The following PAPSS2 variants were observed in gnomAD, a reference collection of about 807,000 sequenced individuals.
PAPSS2 encodes bifunctional 3'-phosphoadenosine 5'-phosphosulfate synthase 2.
A neutral mutation model predicts 66.5 loss-of-function variants in PAPSS2; 61 were observed. The observed-to-expected ratio is 0.92, with a 90% CI of 0.75 to 1.14. The LOEUF (loss-of-function observed/expected upper bound fraction) is 1.14, where lower values mean the gene tolerates loss of function less well. Among genes scored for constraint, PAPSS2 ranks in the 50% most tolerant of loss-of-function variants. The probability of loss-of-function intolerance (pLI) is 0.00; values close to 1 mark genes in which losing one functional copy is unlikely to be tolerated. For missense variants in PAPSS2, 708 were observed against 789.6 expected (o/e 0.90, Z 1.24); for synonymous variants, 289 against 287.5 (o/e 1.01, Z -0.05).
chr10:87,690,462 G>A (rs551159275), intron 1 of PAPSS2, among the ~76,000 whole-genome samples: 1 of 152,188 alleles, frequency 6.6e-6, no homozygotes, highest in Admixed American at 6.5e-5. Flanking sequence ...AGAGATGGGG[G>A]CGGAGGCAGA....
At chr10:87,711,830 G>T (rs1853465406) in intron 2 of PAPSS2, among the ~76,000 whole-genome samples, 1 of 151,164 alleles carries the variant, frequency 6.6e-6, no homozygotes, top group South Asian at 2.1e-4. Context: ...TGTCTTCTCT[G>T]TATGAACCTC....
In PAPSS2 at chr10:87,673,947, C is replaced by G. The variant is rs1002516080; in HGVS notation, c.27+13939C>G. The stretch of plus-strand genomic sequence containing the variant: ...CCTTTACCATTCTACCTCAGAGAGC[C>G]CTTTTCCTTCTGCATGTTATCTTGG... On this transcript the variant is annotated intron_variant, in intron 1 of 12. Transcript: ENST00000456849. 4.6e-5 allele frequency among the ~76,000 whole-genome samples: 7 copies of G among 151,922 alleles called. No homozygotes were observed. In the South Asian group the frequency reaches 8.3e-4, roughly 18 times the overall value.
Position 87,741,566 on chromosome 10 carries a change from T to C in PAPSS2, c.1222+196T>C, listed in dbSNP as rs547328121. On this transcript the variant is annotated intron_variant, in intron 10 of 12. Coordinates refer to ENST00000456849, the MANE Select transcript of PAPSS2 (RefSeq NM_001015880.2). ...CCCACCACTACGCCCAGCTAATTTT[T>C]GTATTTTTAGTAGAGACAGGGTTTC... Among the ~76,000 whole-genome samples, 7 of 152,160 alleles carry C rather than the reference T, an allele frequency of 4.6e-5. No homozygotes were observed. The South Asian group carries it at 1.4e-3, about 32-fold the overall frequency.
chr10:87,711,359 A>G (rs540718970), intron 2 of PAPSS2, among the ~76,000 whole-genome samples: 1 of 152,242 alleles, frequency 6.6e-6, no homozygotes, highest in Non-Finnish European at 1.5e-5. Context: ...TCAATGTATG[A>G]AAGTACGTGT....
chr10:87,736,263 CTTTTTTT>C lies in PAPSS2; in HGVS notation c.1087-4956_1087-4950del, dbSNP rs10553485. ...TGCCATGTTTTTCTTTTCTTTCTTT[CTTTTTTT>C]TTTTTTTTTTTTTTTGAGACAGAGT... On this transcript the variant is annotated intron_variant, in intron 9 of 12. Transcript: ENST00000456849. Among the ~76,000 whole-genome samples the C allele has an allele frequency of 1.5e-4, 16 of 103,252 alleles. No homozygotes were observed. In the Admixed American group the frequency reaches 1.6e-3, roughly 10 times the overall value. The allele number at this position is 103,252 out of a possible 152,430, so 67.7% of individuals were successfully genotyped here.
chr10:87,746,813 T>TA lies in PAPSS2; in HGVS notation c.*849dup, dbSNP rs1853947312. 1 of 152,152 alleles carries TA rather than the reference T, an allele frequency of 6.6e-6. No individual in the cohort carries two copies. Among genetic ancestry groups the TA allele is most frequent in the Non-Finnish European group, 1.5e-5 (1 of 68,026 alleles). 9.4% of individuals were successfully genotyped at this position (152,152 alleles called of 1,614,324 possible). A position where few individuals can be genotyped will look rare whatever the true frequency, so the allele number is the denominator to read the frequency against. Reference sequence around the variant, plus strand: ...GATGCAGCAGCAGCGCCAGCTGTAATAAAAAATAATTCACACTATCAGACT... The same window carrying TA: ...GATGCAGCAGCAGCGCCAGCTGTAATAAAAAAATAATTCACACTATCAGACT... On this transcript the variant is annotated 3_prime_UTR_variant, in exon 13 of 13. Coordinates refer to ENST00000456849, the MANE Select transcript of PAPSS2 (RefSeq NM_001015880.2).
intron 8 of PAPSS2, among the ~76,000 whole-genome samples, chr10:87,726,130 A>G (rs555040791): frequency 6.6e-6 from 1 of 152,330 alleles, no homozygotes; most frequent in South Asian, 2.1e-4. Context: ...CAGGATGACT[A>G]TAGTCAATAA....
chr10:87,662,552 C>A, intron 1 of PAPSS2, among the ~76,000 whole-genome samples: 1 of 150,378 alleles, frequency 6.6e-6, no homozygotes, highest in Non-Finnish European at 1.5e-5. Flanking sequence ...CCCTGGCTAC[C>A]CTCCCACCCC....
intron 9 of PAPSS2, among the ~76,000 whole-genome samples, chr10:87,734,220 C>T (rs888643336): frequency 7.2e-5 from 11 of 152,236 alleles, no homozygotes; most frequent in South Asian, 4.1e-4. Flanking sequence ...TTCGATCATG[C>T]GCTCTCTGAC....
chr10:87,713,333 A>AAAAC, intron 3 of PAPSS2, 23 bp downstream of exon 3: 1 of 1,231,350 alleles, frequency 8.1e-7, no homozygotes. Context: ...AAAAAAAAAA[A>AAAAC]AGGCACTACA....
rs543593301 is a variant in PAPSS2, at chr10:87,713,122, T to C, written c.193T>C (p.Tyr65His). Residue 65 changes from tyrosine to histidine, a missense_variant, in exon 3 of 13, where the codon TAC becomes CAC. Coordinates refer to ENST00000456849, the MANE Select transcript of PAPSS2 (RefSeq NM_001015880.2). Reference protein sequence around the residue: ...KTTISFALEEYLVSHAIPCYS... With the variant: ...KTTISFALEEHLVSHAIPCYS... ...AACGATAAGTTTTGCCCTGGAGGAG[T>C]ACCTTGTCTCCCATGCCATCCCTTG... The C allele has an allele frequency of 5.0e-6, 8 of 1,613,112 alleles. No individual in the cohort carries two copies. In the East Asian group the frequency reaches 1.6e-4, roughly 31 times the overall value.
intron 1 of PAPSS2, among the ~76,000 whole-genome samples, chr10:87,692,397 A>T (rs1349413274): frequency 6.6e-6 from 1 of 152,114 alleles, no homozygotes. Flanking sequence ...AGGGAGGAAG[A>T]GTAGAAGAGT....
intron 8 of PAPSS2, among the ~76,000 whole-genome samples, chr10:87,727,012 G>A (rs867968775): frequency 2.6e-5 from 4 of 152,176 alleles, no homozygotes; most frequent in Admixed American, 6.5e-5. Flanking sequence ...ACAAAGAGGC[G>A]TTTCCAAAGT....
chr10:87,725,797 G>T (rs2131719686), intron 8 of PAPSS2, among the ~76,000 whole-genome samples: 1 of 151,874 alleles, frequency 6.6e-6, no homozygotes, highest in South Asian at 2.1e-4. Flanking sequence ...CTGGGCTCAG[G>T]TGACCCTCTT....
chr10:87,705,394 A>C (rs927800752), intron 1 of PAPSS2, among the ~76,000 whole-genome samples: 7 of 152,332 alleles, frequency 4.6e-5, no homozygotes, highest in South Asian at 2.1e-4. Flanking sequence ...TGCTAAGAAC[A>C]TTCTAGTGCA....
chr10:87,661,141 TA>T (rs10595979), intron 1 of PAPSS2: 95,325 of 364,046 alleles, frequency 0.26, 12,298 homozygotes, highest in African/African-American at 0.51. Context: ...GGGAGAGGTT[TA>T]AAAAAAAAAA....
intron 9 of PAPSS2, among the ~76,000 whole-genome samples, chr10:87,735,749 C>T (rs1853790044): frequency 6.6e-6 from 1 of 152,150 alleles, no homozygotes; most frequent in South Asian, 2.1e-4. Context: ...CCTCTGTTCA[C>T]CAGATGCCAA....
chr10:87,687,174 T>C (rs937919004), intron 1 of PAPSS2, among the ~76,000 whole-genome samples: 2 of 152,170 alleles, frequency 1.3e-5, no homozygotes, highest in Non-Finnish European at 2.9e-5. Flanking sequence ...GCTGCAGGCC[T>C]TGTGTGTGTC....
chr10:87,743,357 T>C lies in PAPSS2; in HGVS notation c.1223-16T>C. On this transcript the variant is annotated splice_polypyrimidine_tract_variant and intron_variant, in intron 10 of 12. Transcript: ENST00000456849. ...TGTGTTTCTGTGACCTTCCTTCTTC[T>C]GCTTTCCTCTCCCAGATGCGGTGTT... 6.2e-7 allele frequency: 1 copy of C among 1,612,896 alleles called. No homozygotes were observed. Among genetic ancestry groups the C allele is most frequent in the Non-Finnish European group, 8.5e-7 (1 of 1,179,840 alleles).
Sources: allele counts gnomAD v4.1 joint callset (sites outside exome capture counted in the v4.1 genomes callset), GRCh38; gene constraint gnomAD v4.1.1; transcripts MANE v1.5; gene names NCBI Gene and HGNC (gene_info 2026-07-23, HGNC 2026-07-21).